Variants in PPP1R1B observed in about 807,000 individuals in gnomAD.
The protein encoded by PPP1R1B is protein phosphatase 1 regulatory subunit 1B.
In PPP1R1B, 13 loss-of-function variants were observed where a neutral mutation model predicts 28.2. That is an observed-to-expected ratio of 0.46 (90% confidence interval 0.30 to 0.73). The LOEUF is 0.73. Among genes scored for constraint, PPP1R1B ranks in the 30% least tolerant of loss-of-function variants. The probability of loss-of-function intolerance (pLI) is 0.07; values close to 1 mark genes in which losing one functional copy is unlikely to be tolerated. For missense variants in PPP1R1B, 236 were observed against 256.7 expected (o/e 0.92, Z 0.55); for synonymous variants, 102 against 97.5 (o/e 1.05, Z -0.27).
rs777154267 is a variant in PPP1R1B, at chr17:39,635,727, G to GT, written c.565+2dup. On this transcript the variant is annotated splice_donor_variant, in intron 6 of 6. Coordinates refer to ENST00000254079, the MANE Select transcript of PPP1R1B (RefSeq NM_032192.4). LOFTEE classifies it high-confidence loss of function. ...CAAGTGGAAGACCCAGCACTAAGTG[G>GT]TAAGGCTTGGGAGTGTGAAATGGGG... The GT allele has an allele frequency of 8.7e-6, 14 of 1,614,042 alleles. No individual in the cohort carries two copies. The highest frequency in any genetic ancestry group is 8.3e-5 in the Admixed American group (5 of 60,022).
At chr17:39,628,737 G>A (rs2271309) in intron 1 of PPP1R1B, 742,134 of 994,260 alleles carry the variant, frequency 0.75, 285,255 homozygotes, top group Non-Finnish European at 0.79. Flanking sequence ...GCCATGGCCC[G>A]TGGGGCATCT....
rs984703575 is a variant in PPP1R1B, at chr17:39,627,149, G to A, written c.-244G>A. The A allele has an allele frequency of 1.1e-5, 5 of 472,274 alleles. No homozygotes were observed. Among genetic ancestry groups the A allele is most frequent in the African/African-American group, 2.1e-5 (1 of 48,048 alleles). 29.3% of individuals were successfully genotyped at this position (472,274 alleles called of 1,614,324 possible). On this transcript the variant is annotated 5_prime_UTR_variant, in exon 1 of 7. Coordinates refer to ENST00000254079, the MANE Select transcript of PPP1R1B (RefSeq NM_032192.4). ...GCGCGAGGGAGCGAGGCACAGACCT[G>A]GCTCAGCGAGCGCGGGGGGCGAGCC...
chr17:39,628,194 G>C (rs755273322), intron 1 of PPP1R1B, among the ~76,000 whole-genome samples: 6 of 151,982 alleles, frequency 3.9e-5, no homozygotes, highest in Non-Finnish European at 8.8e-5. Flanking sequence ...GTCACTTGTT[G>C]CTGAGCTGAG....
chr17:39,628,726 T>G (rs2056854264), intron 1 of PPP1R1B: 2 of 992,152 alleles, frequency 2.0e-6, no homozygotes, highest in Non-Finnish European at 1.2e-6. Flanking sequence ...GCCACATGGG[T>G]GCCATGGCCC....
chr17:39,631,328 G>C (rs924363146), intron 4 of PPP1R1B, among the ~76,000 whole-genome samples: 6 of 152,232 alleles, frequency 3.9e-5, no homozygotes, highest in Admixed American at 3.3e-4. Flanking sequence ...AGGCAGGCAA[G>C]GGCATCCCAG....
At position 39,634,035 on chromosome 17, in the gene PPP1R1B, G is replaced by A; in HGVS notation, c.394G>A (p.Glu132Lys). ...EEEEEDDEEE[E>K]EEEDSQAEVL... Reference sequence around the variant, plus strand: ...GGAAGAGGAGGATGATGAAGAAGAGGAAGAAGAAGAGGACAGCCAGGCTGA... The same window carrying A: ...GGAAGAGGAGGATGATGAAGAAGAGAAAGAAGAAGAGGACAGCCAGGCTGA... The change falls in exon 5 of 7, where the codon GAA becomes AAA. Residue 132 changes from glutamate (E) to lysine (K), a missense_variant. By Grantham distance (56) the Glu-to-Lys change is moderately conservative (BLOSUM62 1). Transcript: ENST00000254079. The A allele has an allele frequency of 6.2e-7, 1 of 1,612,574 alleles. No individual in the cohort carries two copies. Among genetic ancestry groups the A allele is most frequent in the African/African-American group, 1.3e-5 (1 of 75,066 alleles).
rs1597776799 is a variant in PPP1R1B, at chr17:39,629,115, G to C, written c.82-55G>C. The stretch of plus-strand genomic sequence containing the variant: ...GCACTGTTTGTTCCCTGCTGCCTGG[G>C]GGTGGGGGAGGGCTGCAGGTGTCCA... On this transcript the variant is annotated intron_variant, in intron 1 of 6. Coordinates refer to ENST00000254079, the MANE Select transcript of PPP1R1B (RefSeq NM_032192.4). 4 of 1,545,944 alleles carry C rather than the reference G, an allele frequency of 2.6e-6. No homozygotes were observed. The East Asian group carries it at 6.8e-5, about 26-fold the overall frequency.
intron 4 of PPP1R1B, among the ~76,000 whole-genome samples, chr17:39,631,669 C>T (rs1226343436): frequency 1.3e-5 from 2 of 152,156 alleles, no homozygotes; most frequent in South Asian, 2.1e-4. Context: ...CCTGTCAGCC[C>T]ACTTGCCAGG....
At chr17:39,629,107 C>A in intron 1 of PPP1R1B, 63 bp from the exon 2 acceptor site, 2 of 1,521,292 alleles carry the variant, frequency 1.3e-6, no homozygotes, top group South Asian at 2.3e-5. Flanking sequence ...TTGTTCCCTG[C>A]TGCCTGGGGG....
At chr17:39,634,782 A>T (rs534911991) in intron 5 of PPP1R1B, among the ~76,000 whole-genome samples, 28 of 152,320 alleles carry the variant, frequency 1.8e-4, no homozygotes, top group African/African-American at 6.5e-4. Context: ...TGGGGGCAAA[A>T]GCTGTTGCTG....
chr17:39,635,773 T>A (rs2056916675), intron 6 of PPP1R1B, 43 bp from the exon 7 acceptor site: 1 of 1,612,174 alleles, frequency 6.2e-7, no homozygotes, highest in Non-Finnish European at 8.5e-7. Flanking sequence ...GGGATCTTGG[T>A]GGGTGGGGCC....
Position 39,635,939 on chromosome 17 carries a change from CCT to C in PPP1R1B, c.*75_*76del, listed in dbSNP as rs2056919310. ...CCCCAGAAACCCACTCTATCCTCAC[CCT>C]GTTTTGTGCTCTTCCCCTCGCCTGC... On this transcript the variant is annotated 3_prime_UTR_variant, in exon 7 of 7. Coordinates refer to ENST00000254079, the MANE Select transcript of PPP1R1B (RefSeq NM_032192.4). 2.6e-6 allele frequency: 4 copies of C among 1,528,446 alleles called. No homozygotes were observed. Among genetic ancestry groups the C allele is most frequent in the Admixed American group, 3.6e-5 (2 of 55,908 alleles). 94.7% of individuals were successfully genotyped at this position (1,528,446 alleles called of 1,614,324 possible).
At chr17:39,627,919 C>T (rs1458399936) in intron 1 of PPP1R1B, among the ~76,000 whole-genome samples, 1 of 152,144 alleles carries the variant, frequency 6.6e-6, no homozygotes. Context: ...TATGAGGCTG[C>T]CACCGGGTGA....
In PPP1R1B at chr17:39,635,704, A is replaced by C. The variant is rs778899903; in HGVS notation, c.543A>C (p.Gln181His). 6.2e-7 allele frequency: 1 copy of C among 1,614,034 alleles called. No homozygotes were observed. ...AGAGAGATGGAGGCTCTGAGGACCAAGTGGAAGACCCAGCACTAAGTGGTA... is the reference window on the plus strand; with the variant it reads ...AGAGAGATGGAGGCTCTGAGGACCACGTGGAAGACCCAGCACTAAGTGGTA... ...ESERDGGSEDQVEDPALSEPG... is the reference protein window; with the variant it reads ...ESERDGGSEDHVEDPALSEPG... The change falls in exon 6 of 7, where the codon CAA becomes CAC. Residue 181 changes from glutamine to histidine, a missense_variant. By Grantham distance (24) the Gln-to-His change is conservative. Coordinates refer to ENST00000254079, the MANE Select transcript of PPP1R1B (RefSeq NM_032192.4).
chr17:39,631,600 G>T (rs113296298), intron 4 of PPP1R1B, among the ~76,000 whole-genome samples: 27 of 152,350 alleles, frequency 1.8e-4, no homozygotes, highest in Admixed American at 9.1e-4. Context: ...AGTATGCTGG[G>T]AAGTGGTTCG....
Position 39,629,177 on chromosome 17 carries a change from G to A in PPP1R1B, c.89G>A (p.Arg30His), listed in dbSNP as rs780007110. ...CTCCCTCCATCTCCTTAGATCCGGC[G>A]CAGGAGACCAACGCCTGCCATGCTG... ...LDPRQVEMIR[R>H]RRPTPAMLFR... Residue 30 changes from arginine (R) to histidine (H), a missense_variant, in exon 2 of 7, where the codon CGC becomes CAC. Physicochemically the swap from Arg to His is conservative, Grantham distance 29. Transcript: ENST00000254079. 1.1e-5 allele frequency: 17 copies of A among 1,613,436 alleles called. No individual in the cohort carries two copies. Among genetic ancestry groups the A allele is most frequent in the Non-Finnish European group, 7.6e-6 (9 of 1,179,828 alleles).
chr17:39,627,195 G>GGC lies in PPP1R1B; in HGVS notation c.-193_-192dup. 5 of 492,856 alleles carry GGC rather than the reference G, an allele frequency of 1.0e-5. No individual in the cohort carries two copies. Among genetic ancestry groups the GGC allele is most frequent in the Non-Finnish European group, 1.8e-5 (5 of 282,278 alleles). 30.5% of individuals were successfully genotyped at this position (492,856 alleles called of 1,614,324 possible). A position where few individuals can be genotyped will look rare whatever the true frequency, so the allele number is the denominator to read the frequency against. On this transcript the variant is annotated 5_prime_UTR_variant, in exon 1 of 7. Coordinates refer to ENST00000254079, the MANE Select transcript of PPP1R1B (RefSeq NM_032192.4). Reference sequence around the variant, plus strand: ...GAGCCCCGAGTCCCGAGAGCCTGGGGGCGCGCCCAGCCCGGGCGCCGACCC... The same window carrying GGC: ...GAGCCCCGAGTCCCGAGAGCCTGGGGGCGCGCGCCCAGCCCGGGCGCCGACCC...
At chr17:39,630,928 G>A (rs2056872586) in intron 4 of PPP1R1B, among the ~76,000 whole-genome samples, 1 of 152,204 alleles carries the variant, frequency 6.6e-6, no homozygotes, top group African/African-American at 2.4e-5. Context: ...AATTAGCCAG[G>A]CGTGGTAGCG....
At chr17:39,630,991 C>T (rs987743677) in intron 4 of PPP1R1B, among the ~76,000 whole-genome samples, 3 of 152,130 alleles carry the variant, frequency 2.0e-5, no homozygotes, top group Admixed American at 6.5e-5. Context: ...ATCACTTGAA[C>T]CCGGGAGGCA....
Sources: allele counts gnomAD v4.1 joint callset (sites outside exome capture counted in the v4.1 genomes callset), GRCh38; gene constraint gnomAD v4.1.1; transcripts MANE v1.5; gene names NCBI Gene and HGNC (gene_info 2026-07-23, HGNC 2026-07-21).